The following KIF17 variants were observed in gnomAD, a reference collection of about 807,000 sequenced individuals.
KIF17 encodes the protein kinesin family member 17, also known as kinesin-like protein KIF17.
KIF17 carries 80 observed loss-of-function variants against 96.8 expected under a neutral mutation model. The observed-to-expected ratio is 0.83, with a 90% CI of 0.69 to 1.00. The LOEUF is 1.00. Ranked by LOEUF, KIF17 falls within the 50% of genes least tolerant of loss-of-function variation. KIF17 has a pLI of 0.00. For missense variants in KIF17, 1,280 were observed against 1,372.9 expected, an observed-to-expected ratio of 0.93 and a Z score of 1.07; for synonymous variants, 567 against 587.5, an observed-to-expected ratio of 0.97 and a Z score of 0.51.
chr1:20,674,674 C>T (rs1388692027), intron 11 of KIF17, among the ~76,000 whole-genome samples: 1 of 151,704 alleles, frequency 6.6e-6, no homozygotes, highest in Non-Finnish European at 1.5e-5. Flanking sequence ...CGTTTTCTTC[C>T]AAGAGTTTTA....
At chr1:20,712,900 T>TAG (rs2054499131) in intron 3 of KIF17, among the ~76,000 whole-genome samples, 1 of 114,504 alleles carries the variant, frequency 8.7e-6, no homozygotes, top group African/African-American at 3.4e-5. Flanking sequence ...GATAATATTA[T>TAG]CTATATTATA....
Position 20,704,821 on chromosome 1 carries a change from G to C in KIF17, c.749C>G (p.Thr250Ser). 6.2e-7 allele frequency: 1 copy of C among 1,606,950 alleles called. No homozygotes were observed. The highest frequency in any genetic ancestry group is 8.5e-7 in the Non-Finnish European group (1 of 1,179,874). ...DLAGSERQSK[T>S]GATGERLKEA... ...CTTGAGCCGCTCGCCCGTGGCCCCG[G>C]TCTTGGACTGCCGCTCGCTGCCCGC... Residue 250 changes from threonine (T) to serine (S), a missense_variant, in exon 5 of 15, where the codon ACC becomes AGC. By Grantham distance (58) the Thr-to-Ser change is moderately conservative. Coordinates refer to ENST00000400463, the MANE Select transcript of KIF17 (RefSeq NM_001122819.3). This position sits in a 1 kb window ranked among gnomAD's most constrained non-coding sequence, Gnocchi z 6.8.
At chr1:20,670,112 C>G (rs369728735) in intron 13 of KIF17, among the ~76,000 whole-genome samples, 1 of 152,044 alleles carries the variant, frequency 6.6e-6, no homozygotes, top group East Asian at 1.9e-4. Flanking sequence ...CAGCAGGAAA[C>G]CAGAATGTGC....
chr1:20,713,627 G>A (rs2054522719), intron 2 of KIF17, 72 bp from the exon 3 acceptor site: 1 of 1,155,674 alleles, frequency 8.7e-7, no homozygotes. Flanking sequence ...CTGACCCTGG[G>A]GCCTGGGCCC....
chr1:20,707,783 GTGTA>G (rs1377364172), intron 4 of KIF17, among the ~76,000 whole-genome samples: 1,563 of 83,788 alleles, frequency 0.019, 50 homozygotes, highest in African/African-American at 0.059. Flanking sequence ...ACAAACCAAT[GTGTA>G]TGTGTGTGTG....
intron 11 of KIF17, among the ~76,000 whole-genome samples, chr1:20,679,001 C>CAAA (rs34906395): frequency 1.2e-5 from 1 of 86,654 alleles, no homozygotes; most frequent in African/African-American, 5.0e-5. Context: ...TCTTCCTTGG[C>CAAA]AAAAAAAAAA....
intron 13 of KIF17, 91 bp from the exon 14 acceptor site, chr1:20,666,422 G>A: frequency 1.9e-6 from 2 of 1,044,352 alleles, no homozygotes; most frequent in Non-Finnish European, 3.0e-6. Flanking sequence ...GGCAGTGGGG[G>A]CCGCCCCGAG....
Position 20,664,387 on chromosome 1 carries a change from C to G in KIF17, c.*197G>C, listed in dbSNP as rs780502488. 4 of 1,477,228 alleles carry G rather than the reference C, an allele frequency of 2.7e-6. No homozygotes were observed. Among genetic ancestry groups the G allele is most frequent in the Non-Finnish European group, 3.6e-6 (4 of 1,118,598 alleles). 91.5% of individuals were successfully genotyped at this position (1,477,228 alleles called of 1,614,324 possible). Reference sequence around the variant, plus strand: ...GGCCTCTCTAAGGAGGACTATACAGCCTCCGAGGGGCTCCTGCCCAGGGCG... The same window carrying G: ...GGCCTCTCTAAGGAGGACTATACAGGCTCCGAGGGGCTCCTGCCCAGGGCG... On this transcript the variant is annotated 3_prime_UTR_variant, in exon 15 of 15. Transcript: ENST00000400463.
At chr1:20,669,803 T>G (rs1570430463) in intron 13 of KIF17, among the ~76,000 whole-genome samples, 1 of 125,892 alleles carries the variant, frequency 7.9e-6, no homozygotes, top group East Asian at 2.4e-4. Context: ...GAGGCAGAGG[T>G]TGCAGTGAGC....
Position 20,690,352 on chromosome 1 carries a change from G to GGGGA in KIF17, c.1234-18_1234-17insTCCC. On this transcript the variant is annotated splice_polypyrimidine_tract_variant and intron_variant, in intron 6 of 14. Transcript: ENST00000400463. Reference sequence around the variant, plus strand: ...TTCATACTCCTGGGGGGGTGGGAGGGACCAGAGGGCAGGCAGCATTTTATC... The same window carrying GGGGA: ...TTCATACTCCTGGGGGGGTGGGAGGGGGGAACCAGAGGGCAGGCAGCATTTTATC... The GGGGA allele has an allele frequency of 2.0e-5, 9 of 451,154 alleles. No individual in the cohort carries two copies. The highest frequency in any genetic ancestry group is 2.6e-5 in the Non-Finnish European group (6 of 235,134). 27.9% of individuals were successfully genotyped at this position (451,154 alleles called of 1,614,324 possible).
chr1:20,697,009 T>C (rs1048843111), intron 6 of KIF17, among the ~76,000 whole-genome samples: 1 of 152,136 alleles, frequency 6.6e-6, no homozygotes, highest in East Asian at 1.9e-4. Context: ...GGGGGCACCA[T>C]CGAGCCTCTC....
Position 20,704,607 on chromosome 1 carries a change from C to T in KIF17, c.963G>A (p.Glu321=). The T allele has an allele frequency of 1.2e-6, 2 of 1,614,206 alleles. No individual in the cohort carries two copies. Among genetic ancestry groups the T allele is most frequent in the Non-Finnish European group, 1.7e-6 (2 of 1,180,032 alleles). Residue 321 remains glutamate (E), a synonymous_variant, in exon 5 of 15, where the codon GAG becomes GAA. Transcript: ENST00000400463. This position sits in a 1 kb window ranked among gnomAD's most constrained non-coding sequence, Gnocchi z 6.8. ...CLSPADNNYD[E]TLSTLRYANR... is the part of the protein sequence containing the mutation. The stretch of plus-strand genomic sequence containing the variant: ...TGGCGTAGCGCAGCGTGCTGAGTGT[C>T]TCATCGTAGTTGTTGTCCGCAGGCG...
Position 20,682,889 on chromosome 1 carries a change from C to A in KIF17, c.2232-5G>T. The A allele has an allele frequency of 6.2e-7, 1 of 1,607,730 alleles. No homozygotes were observed. ...TGCTGCTCCAACAGCTGCAGACTGC[C>A]GGCGTGGAGGAGAAAGCAAACAAGA... On this transcript the variant is annotated splice_region_variant and splice_polypyrimidine_tract_variant and intron_variant, in intron 10 of 14. Coordinates refer to ENST00000400463, the MANE Select transcript of KIF17 (RefSeq NM_001122819.3).
chr1:20,716,629 C>T (rs150076032), intron 1 of KIF17, among the ~76,000 whole-genome samples: 60 of 152,226 alleles, frequency 3.9e-4, no homozygotes, highest in African/African-American at 1.3e-3. Flanking sequence ...GCTGAGGGGT[C>T]AGCTTGAGTA....
chr1:20,684,026 C>T (rs2053882667), intron 10 of KIF17, among the ~76,000 whole-genome samples: 1 of 152,254 alleles, frequency 6.6e-6, no homozygotes, highest in Non-Finnish European at 1.5e-5. Flanking sequence ...CCCATTTTGA[C>T]CCTCACCACA....
At chr1:20,705,596 A>G (rs2054327033) in intron 4 of KIF17, among the ~76,000 whole-genome samples, 1 of 152,238 alleles carries the variant, frequency 6.6e-6, no homozygotes, top group African/African-American at 2.4e-5. Context: ...AAGACAAAAC[A>G]GGATGGAGTC....
At chr1:20,680,002 T>TTG (rs1377431925) in intron 11 of KIF17, among the ~76,000 whole-genome samples, 1 of 126,590 alleles carries the variant, frequency 7.9e-6, no homozygotes, top group Admixed American at 8.3e-5. Context: ...TTGATTGATT[T>TTG]GAGACAGGGT....
At position 20,683,937 on chromosome 1, in the gene KIF17, C is replaced by T. The variant is rs934698629; in HGVS notation, c.2231+872G>A. Among the ~76,000 whole-genome samples, 13 of 151,796 alleles carry T rather than the reference C, an allele frequency of 8.6e-5. 1 individual carries two copies. Among genetic ancestry groups the T allele is most frequent in the Admixed American group, 5.2e-4 (8 of 15,264 alleles). On this transcript the variant is annotated intron_variant, in intron 10 of 14. Coordinates refer to ENST00000400463, the MANE Select transcript of KIF17 (RefSeq NM_001122819.3). Reference sequence around the variant, plus strand: ...AAGGCCCCCCAGCCTTCCCTCCACACCACACTGTGAAAACAGCCAGGACAT... The same window carrying T: ...AAGGCCCCCCAGCCTTCCCTCCACATCACACTGTGAAAACAGCCAGGACAT...
intron 11 of KIF17, among the ~76,000 whole-genome samples, chr1:20,675,295 A>T (rs766601545): frequency 9.3e-5 from 14 of 151,114 alleles, no homozygotes; most frequent in Non-Finnish European, 1.9e-4. Flanking sequence ...AAAAATACAA[A>T]AAATTAGCCG....
Sources: gnomAD v4.1 joint callset for allele counts (sites outside exome capture counted in the v4.1 genomes callset) on GRCh38, gnomAD v4.1.1 for gene constraint, Gnocchi (gnomAD v3.1) non-coding constraint, MANE v1.5 for transcripts, NCBI Gene and HGNC (gene_info 2026-07-23, HGNC 2026-07-21) for gene names.